Variants in BDNF observed in about 807,000 individuals in gnomAD.
BDNF encodes the protein brain derived neurotrophic factor, also known as neurotrophic factor BDNF precursor form.
In BDNF, 1 loss-of-function variant was observed where a neutral mutation model predicts 19.5. The observed-to-expected ratio is 0.05, with a 90% confidence interval of 0.02 to 0.24. BDNF has a LOEUF of 0.24. Among genes scored for constraint, BDNF ranks in the 10% least tolerant of loss-of-function variants. The pLI, the probability that BDNF is intolerant of heterozygous loss-of-function variation, is 1.00. For missense variants in BDNF, 195 were observed against 317.6 expected, an observed-to-expected ratio of 0.61 and a Z score of 2.93; for synonymous variants, 100 against 121.6, an observed-to-expected ratio of 0.82 and a Z score of 1.17.
chr11:27,660,301 T>A (rs1158686277), intron 1 of BDNF: 1 of 1,093,352 alleles, frequency 9.1e-7, no homozygotes, highest in Non-Finnish European at 1.2e-6. Context: ...TTCTTTTAGA[T>A]TTACTCTCAC....
intron 1 of BDNF, among the ~76,000 whole-genome samples, chr11:27,713,546 G>A (rs932010520): frequency 2.6e-5 from 4 of 152,152 alleles, no homozygotes; most frequent in Admixed American, 6.5e-5. Context: ...AGAGACAGGA[G>A]GTGGTTGATA....
chr11:27,664,717 A>G (rs2133837519), intron 1 of BDNF, among the ~76,000 whole-genome samples: 1 of 152,298 alleles, frequency 6.6e-6, no homozygotes, highest in South Asian at 2.1e-4. Context: ...TAAGAAGTTG[A>G]GGCTACAGTG....
chr11:27,715,581 C>A (rs75216162), intron 1 of BDNF, among the ~76,000 whole-genome samples: 245 of 152,254 alleles, frequency 1.6e-3, no homozygotes, highest in African/African-American at 5.8e-3. Context: ...ATTTTGAAAA[C>A]TATTTGTAAA....
upstream of BDNF, among the ~76,000 whole-genome samples, chr11:27,702,042 T>C (rs905540533): frequency 3.7e-5 from 5 of 134,420 alleles, no homozygotes; most frequent in African/African-American, 1.4e-4. Flanking sequence ...GCCAAGACCC[T>C]TGAAGAGAAC....
chr11:27,706,815 C>G (rs761566955), intron 1 of BDNF, among the ~76,000 whole-genome samples: 15 of 152,146 alleles, frequency 9.9e-5, no homozygotes, highest in Non-Finnish European at 1.9e-4. Flanking sequence ...AACTTGGAGA[C>G]AAAGTAGTGG....
At chr11:27,707,487 C>G (rs999013744) in intron 1 of BDNF, among the ~76,000 whole-genome samples, 4 of 152,154 alleles carry the variant, frequency 2.6e-5, no homozygotes, top group African/African-American at 9.7e-5. Flanking sequence ...TTCATAATAT[C>G]GCCTTGAGAA....
At chr11:27,709,120 C>T (rs1387797308) in intron 1 of BDNF, among the ~76,000 whole-genome samples, 4 of 152,244 alleles carry the variant, frequency 2.6e-5, no homozygotes, top group African/African-American at 7.2e-5. Context: ...TGAGCCACCG[C>T]GCCTGGCTAG....
At chr11:27,699,664 G>T (rs1324514975) in intron 1 of BDNF, 2 of 1,422,304 alleles carry the variant, frequency 1.4e-6, no homozygotes, top group African/African-American at 1.4e-5. Flanking sequence ...GCAGGTAGCC[G>T]TGTGCAGCTC....
intron 1 of BDNF, among the ~76,000 whole-genome samples, chr11:27,686,645 C>G (rs1159691747): frequency 3.9e-5 from 6 of 152,146 alleles, no homozygotes; most frequent in African/African-American, 1.4e-4. Flanking sequence ...TTTATTTCTA[C>G]TTCACTTCTG....
intron 1 of BDNF, among the ~76,000 whole-genome samples, chr11:27,716,317 A>G (rs1428533086): frequency 6.6e-6 from 1 of 152,128 alleles, no homozygotes; most frequent in Non-Finnish European, 1.5e-5. Flanking sequence ...CTAGATGCTA[A>G]TGTTTATTTT....
intron 1 of BDNF, among the ~76,000 whole-genome samples, chr11:27,662,483 A>C (rs1590238266): frequency 6.6e-6 from 1 of 152,204 alleles, no homozygotes; most frequent in African/African-American, 2.4e-5. Context: ...GGCTGTGCTA[A>C]CCCCAAATTA....
At chr11:27,710,062 C>G (rs1860264460) in intron 1 of BDNF, among the ~76,000 whole-genome samples, 1 of 152,158 alleles carries the variant, frequency 6.6e-6, no homozygotes, top group African/African-American at 2.4e-5. Context: ...TTTCATACAT[C>G]AAAATGTCCT....
At chr11:27,708,897 T>G (rs1475049697) in intron 1 of BDNF, among the ~76,000 whole-genome samples, 1 of 150,930 alleles carries the variant, frequency 6.6e-6, no homozygotes, top group Admixed American at 6.6e-5. Flanking sequence ...GGCGCAATCT[T>G]GGCTCACTGC....
chr11:27,721,264 A>C (rs1348152448), intron 1 of BDNF: 1 of 884,196 alleles, frequency 1.1e-6, no homozygotes, highest in Non-Finnish European at 1.9e-6. Context: ...ATTCCAATTA[A>C]AGTTGCACTG....
chr11:27,682,992 C>T (rs1038344808), intron 1 of BDNF, among the ~76,000 whole-genome samples: 9 of 152,168 alleles, frequency 5.9e-5, no homozygotes, highest in African/African-American at 2.2e-4. Context: ...ACACTGTCTT[C>T]CACAATGGTT....
intron 1 of BDNF, among the ~76,000 whole-genome samples, chr11:27,662,617 T>C (rs993854062): frequency 1.3e-5 from 2 of 152,160 alleles, no homozygotes; most frequent in Non-Finnish European, 2.9e-5. Context: ...CCACCTTAGA[T>C]CATCAGTTAA....
intron 1 of BDNF, among the ~76,000 whole-genome samples, chr11:27,689,833 G>A (rs1444602196): frequency 2.0e-5 from 3 of 152,100 alleles, no homozygotes; most frequent in African/African-American, 7.2e-5. Flanking sequence ...AGGCTCGCAT[G>A]CATTAGCTAT....
At chr11:27,685,063 G>C (rs532690541) in intron 1 of BDNF, among the ~76,000 whole-genome samples, 1 of 152,238 alleles carries the variant, frequency 6.6e-6, no homozygotes, top group East Asian at 1.9e-4. Flanking sequence ...GTTAATTACT[G>C]CCTCGATTTC....
Position 27,657,349 on chromosome 11 carries a change from G to C in BDNF, c.*472C>G, listed in dbSNP as rs1203327525. Reference sequence around the variant, plus strand: ...ACCTTGACATTGTTTTAATTCCAACGCTATCAGAAGTTAAAAGCAGTAAAA... The same window carrying C: ...ACCTTGACATTGTTTTAATTCCAACCCTATCAGAAGTTAAAAGCAGTAAAA... On this transcript the variant is annotated 3_prime_UTR_variant, in exon 2 of 2. Transcript: ENST00000356660. The surrounding 1 kb of genome is among the most constrained non-coding windows in gnomAD (Gnocchi z 5.0). The C allele has an allele frequency of 1.0e-6, 1 of 997,118 alleles. No homozygotes were observed. The allele number at this position is 997,118 out of a possible 1,614,324, so 61.8% of individuals were successfully genotyped here. A position where few individuals can be genotyped will look rare whatever the true frequency, so the allele number is the denominator to read the frequency against.
Sources: gnomAD v4.1 joint callset for allele counts (sites outside exome capture counted in the v4.1 genomes callset) on GRCh38, gnomAD v4.1.1 for gene constraint, Gnocchi (gnomAD v3.1) non-coding constraint, MANE v1.5 for transcripts, NCBI Gene and HGNC (gene_info 2026-07-23, HGNC 2026-07-21) for gene names.